CHD3: variants seen among roughly 807,000 people sequenced by gnomAD.
The protein encoded by CHD3 is ATP-dependent chromatin remodeler CHD3.
In CHD3, 52 loss-of-function variants were observed where a neutral mutation model predicts 248.9. That is an observed-to-expected ratio of 0.21 (90% confidence interval 0.17 to 0.26). The LOEUF (loss-of-function observed/expected upper bound fraction) is 0.26. CHD3 is among the 10% of genes least tolerant of loss of function. CHD3 has a pLI of 1.00. For missense variants in CHD3, 1,482 were observed against 2,605.8 expected (o/e 0.57, Z 9.39); for synonymous variants, 985 against 985.2 (o/e 1.00, Z 0.00).
Position 7,909,289 on chromosome 17 carries a change from C to T in CHD3, c.5541C>T (p.Ser1847=). The change falls in exon 37 of 40, where the codon TCC becomes TCT. Residue 1847 remains serine, a synonymous_variant. Transcript: ENST00000330494. This position sits in a 1 kb window ranked among gnomAD's most constrained non-coding sequence, Gnocchi z 8.1. ...ECLAESHQHL[S]KESLAGNKPA... ...TGGCCGAGAGCCACCAGCACCTCTC[C>T]AAGGAGTCGCTGGCGGGGAACAAGC... 1.3e-6 allele frequency: 2 copies of T among 1,562,410 alleles called. No homozygotes were observed. The highest frequency in any genetic ancestry group is 1.7e-6 in the Non-Finnish European group (2 of 1,155,192).
rs2151554885 is a variant in CHD3 at position 7,898,510 on chromosome 17, G to A, written c.2066G>A (p.Gly689Glu). Residue 689 changes from glycine to glutamate, a missense_variant, in exon 13 of 40, where the codon GGG (glycine) becomes GAG (glutamate). Gly to Glu is a moderately conservative substitution (Grantham distance 98). This residue lies in a region of CHD3 where 127 missense variants were observed against 188.3 expected (regional missense o/e 0.67). Coordinates refer to ENST00000330494, the MANE Select transcript of CHD3 (RefSeq NM_001005273.3). Reference sequence around the variant, plus strand: ...TCTTTTTCCAGAGAACTAATTATGGGGGAAGACCCTGCCCAGCCCCGCAAG... The same window carrying A: ...TCTTTTTCCAGAGAACTAATTATGGAGGAAGACCCTGCCCAGCCCCGCAAG... ...SYWRHRELIM[G>E]EDPAQPRKYK... 1 of 1,613,880 alleles carries A rather than the reference G, an allele frequency of 6.2e-7. No homozygotes were observed.
chr17:7,909,237 A>T lies in CHD3; in HGVS notation c.5489A>T (p.His1830Leu), dbSNP rs1418898769. 3 of 1,552,088 alleles carry T rather than the reference A, an allele frequency of 1.9e-6. No individual in the cohort carries two copies. Among genetic ancestry groups the T allele is most frequent in the Non-Finnish European group, 2.6e-6 (3 of 1,148,840 alleles). The change falls in exon 37 of 40, where the codon CAC (histidine) becomes CTC (leucine). Residue 1830 changes from histidine (H) to leucine (L), a missense_variant. Transcript: ENST00000330494. The surrounding 1 kb of genome is among the most constrained non-coding windows in gnomAD (Gnocchi z 8.1). ...CCGGCGCACCCCGCCATGGCCCTCC[A>T]CGCCCGCTTCGCCGAGGCCGAGTGC... Reference protein sequence around the residue: ...QEPAHPAMALHARFAEAECLA... With the variant: ...QEPAHPAMALLARFAEAECLA...
In CHD3 at chr17:7,904,744, G is replaced by T; in HGVS notation, c.4072+125G>T. 4 of 946,128 alleles carry T rather than the reference G, an allele frequency of 4.2e-6. No homozygotes were observed. Among genetic ancestry groups the T allele is most frequent in the Non-Finnish European group, 6.2e-6 (4 of 641,838 alleles). The allele number at this position is 946,128 out of a possible 1,614,324, so 58.6% of individuals were successfully genotyped here. A position where few individuals can be genotyped will look rare whatever the true frequency, so the allele number is the denominator to read the frequency against. On this transcript the variant is annotated intron_variant, in intron 25 of 39. Transcript: ENST00000330494. The surrounding 1 kb of genome is among the most constrained non-coding windows in gnomAD (Gnocchi z 4.4). ...GTCAGAGCCTTCCTCTGCTAAAAGG[G>T]AAAGACATAAGGTAGAGTCATTAGG...
rs1313676570 is a variant in CHD3 at position 7,907,107 on chromosome 17, A to T, written c.4667-19A>T. The T allele has an allele frequency of 6.2e-7, 1 of 1,614,156 alleles. No homozygotes were observed. Among genetic ancestry groups the T allele is most frequent in the Non-Finnish European group, 8.5e-7 (1 of 1,180,014 alleles). ...GGGCGGGAGAATCTCTGTCTTTATC[A>T]CTGTGCCTTCCCCTGCAGCTACTCC... On this transcript the variant is annotated intron_variant, in intron 30 of 39. Coordinates refer to ENST00000330494, the MANE Select transcript of CHD3 (RefSeq NM_001005273.3). The surrounding 1 kb of genome is among the most constrained non-coding windows in gnomAD (Gnocchi z 4.3).
chr17:7,898,504 T>C lies in CHD3; in HGVS notation c.2060T>C (p.Ile687Thr). ...ACCCACTCTTTTTCCAGAGAACTAA[T>C]TATGGGGGAAGACCCTGCCCAGCCC... ...KQSYWRHREL[I>T]MGEDPAQPRK... Residue 687 changes from isoleucine (I) to threonine (T), a missense_variant, in exon 13 of 40, where the codon ATT becomes ACT. Physicochemically the swap from Ile to Thr is moderately conservative, Grantham distance 89 (BLOSUM62 -1). Transcript: ENST00000330494. The C allele has an allele frequency of 6.2e-7, 1 of 1,613,398 alleles. No individual in the cohort carries two copies. The highest frequency in any genetic ancestry group is 8.5e-7 in the Non-Finnish European group (1 of 1,179,560).
chr17:7,910,203 GTCTC>G lies in CHD3; in HGVS notation c.5591-221_5591-218del, dbSNP rs532929504. 170 of 592,938 alleles carry G rather than the reference GTCTC, an allele frequency of 2.9e-4. No homozygotes were observed. The East Asian group carries it at 3.1e-3, about 11-fold the overall frequency. 36.7% of individuals were successfully genotyped at this position (592,938 alleles called of 1,614,324 possible). On this transcript the variant is annotated intron_variant, in intron 37 of 39. Transcript: ENST00000330494. The surrounding 1 kb of genome is among the most constrained non-coding windows in gnomAD (Gnocchi z 4.7). ...TCCATCTGTCTTCTGTGGTAATCTG[GTCTC>G]TCTGTCTCTTTTCCTGACACTTTTT...
In CHD3 at chr17:7,903,733, G is replaced by C. The variant is rs1218673947; in HGVS notation, c.3728-92G>C. The stretch of plus-strand genomic sequence containing the variant: ...TCCCGGGGAAAAAGCCTTCTCTAGG[G>C]CTCCTGTGAAAAGGACGCAGAGTAG... On this transcript the variant is annotated intron_variant, in intron 23 of 39. Transcript: ENST00000330494. This position sits in a 1 kb window ranked among gnomAD's most constrained non-coding sequence, Gnocchi z 6.8. 7.2e-7 allele frequency: 1 copy of C among 1,384,458 alleles called. No individual in the cohort carries two copies. Among genetic ancestry groups the C allele is most frequent in the Non-Finnish European group, 9.9e-7 (1 of 1,008,856 alleles). The allele number at this position is 1,384,458 out of a possible 1,614,324, so 85.8% of individuals were successfully genotyped here. A position where few individuals can be genotyped will look rare whatever the true frequency, so the allele number is the denominator to read the frequency against.
rs960824021 is a variant in CHD3, at chr17:7,899,708, G to C, written c.2544+165G>C. 7.9e-5 allele frequency among the ~76,000 whole-genome samples: 12 copies of C among 152,038 alleles called. No homozygotes were observed. The highest frequency in any genetic ancestry group is 2.9e-4 in the African/African-American group (12 of 41,398). On this transcript the variant is annotated intron_variant, in intron 15 of 39. Transcript: ENST00000330494. This position sits in a 1 kb window ranked among gnomAD's most constrained non-coding sequence, Gnocchi z 6.8. ...TAGAGATATGGCAGGTACTCCCAGG[G>C]GCATACATGGATCTGTCGGTACTGG...
In CHD3 at chr17:7,910,211, G is replaced by C. The variant is rs1213458088; in HGVS notation, c.5591-217G>C. On this transcript the variant is annotated intron_variant, in intron 37 of 39. Transcript: ENST00000330494. This position sits in a 1 kb window ranked among gnomAD's most constrained non-coding sequence, Gnocchi z 4.7. ...TCTTCTGTGGTAATCTGGTCTCTCT[G>C]TCTCTTTTCCTGACACTTTTTCTTT... 5 of 607,330 alleles carry C rather than the reference G, an allele frequency of 8.2e-6. No homozygotes were observed. The highest frequency in any genetic ancestry group is 3.0e-5 in the Admixed American group (1 of 33,876). The allele number at this position is 607,330 out of a possible 1,614,324, so 37.6% of individuals were successfully genotyped here.
rs1205136364 is a variant in CHD3 at position 7,897,829 on chromosome 17, C to T, written c.1920-142C>T. Reference sequence around the variant, plus strand: ...AGGCTGCTAGGTCAACTATTCCAATCTCCCTTCCAGCAGCTCACTGTTGAC... The same window carrying T: ...AGGCTGCTAGGTCAACTATTCCAATTTCCCTTCCAGCAGCTCACTGTTGAC... On this transcript the variant is annotated intron_variant, in intron 11 of 39. Coordinates refer to ENST00000330494, the MANE Select transcript of CHD3 (RefSeq NM_001005273.3). The surrounding 1 kb of genome is among the most constrained non-coding windows in gnomAD (Gnocchi z 4.8). The T allele has an allele frequency of 3.5e-6, 3 of 863,012 alleles. No homozygotes were observed. Among genetic ancestry groups the T allele is most frequent in the Non-Finnish European group, 1.8e-6 (1 of 557,414 alleles). The allele number at this position is 863,012 out of a possible 1,614,324, so 53.5% of individuals were successfully genotyped here.
In CHD3 at chr17:7,903,190, C is replaced by T; in HGVS notation, c.3496-82C>T. 1 of 1,575,420 alleles carries T rather than the reference C, an allele frequency of 6.3e-7. No homozygotes were observed. Among genetic ancestry groups the T allele is most frequent in the South Asian group, 1.1e-5 (1 of 88,834 alleles). On this transcript the variant is annotated intron_variant, in intron 22 of 39. Transcript: ENST00000330494. This position sits in a 1 kb window ranked among gnomAD's most constrained non-coding sequence, Gnocchi z 6.8. The stretch of plus-strand genomic sequence containing the variant: ...GGAGAGAAGGCCCTTCTTCAGCAGC[C>T]TTCTTTCCTGAGGCAGCTCTATGGG...
At position 7,903,742 on chromosome 17, in the gene CHD3, A is replaced by T. The variant is rs114643514; in HGVS notation, c.3728-83A>T. On this transcript the variant is annotated intron_variant, in intron 23 of 39. Transcript: ENST00000330494. This position sits in a 1 kb window ranked among gnomAD's most constrained non-coding sequence, Gnocchi z 6.8. ...AAAAGCCTTCTCTAGGGCTCCTGTG[A>T]AAAGGACGCAGAGTAGAAGCTTTCC... 1,347 of 1,461,384 alleles carry T rather than the reference A, an allele frequency of 9.2e-4. 14 individuals are homozygous for T. The African/African-American group carries it at 0.013, about 14-fold the overall frequency. 90.5% of individuals were successfully genotyped at this position (1,461,384 alleles called of 1,614,324 possible).
In CHD3 at chr17:7,890,599, G is replaced by C. The variant is rs1023066121; in HGVS notation, c.242G>C (p.Arg81Pro). ...AGTGAGGAGGAATTTGGTTCTGAGC[G>C]AGATGAGTACCGGGAGAAGTCAGAG... is the stretch of plus-strand genomic sequence containing the variant. Reference protein sequence around the residue: ...RDSEEEFGSERDEYREKSESG... With the variant: ...RDSEEEFGSEPDEYREKSESG... The change falls in exon 3 of 40, where the codon CGA becomes CCA. Residue 81 changes from arginine to proline, a missense_variant. Around this residue, in one of 20 missense-constraint regions of CHD3, gnomAD observed 169 missense variants for 168.1 expected, o/e 1.01. Transcript: ENST00000330494. The C allele has an allele frequency of 4.4e-6, 7 of 1,596,186 alleles. No homozygotes were observed. Among genetic ancestry groups the C allele is most frequent in the East Asian group, 2.2e-5 (1 of 44,804 alleles).
In CHD3 at chr17:7,898,022, A is replaced by C. The variant is rs145734007; in HGVS notation, c.1971A>C (p.Pro657=). ...ATCTAGTAAAATGGAGGGACTTACCATATGACCAGTCCACGTGGGAGGAAG... is the reference window on the plus strand; with the variant it reads ...ATCTAGTAAAATGGAGGGACTTACCCTATGACCAGTCCACGTGGGAGGAAG... ...YHYLVKWRDL[P]YDQSTWEEDE... is the part of the protein sequence containing the mutation. The change falls in exon 12 of 40, where the codon CCA becomes CCC. Residue 657 remains proline, a synonymous_variant. Coordinates refer to ENST00000330494, the MANE Select transcript of CHD3 (RefSeq NM_001005273.3). 1.2e-6 allele frequency: 2 copies of C among 1,614,094 alleles called. No homozygotes were observed. Among genetic ancestry groups the C allele is most frequent in the Non-Finnish European group, 1.7e-6 (2 of 1,180,024 alleles).
intron 21 of CHD3, 81 bp from the exon 22 acceptor site, chr17:7,902,852 GTTGT>G: frequency 1.3e-6 from 2 of 1,587,482 alleles, no homozygotes; most frequent in Non-Finnish European, 1.7e-6. Flanking sequence ...TGGGGGCATG[GTTGT>G]TTGTCATCAG....
Position 7,911,116 on chromosome 17 carries a change from C to T in CHD3, c.5881+143C>T. The stretch of plus-strand genomic sequence containing the variant: ...TTTTATGGGATAGAGTTGTTCTAGG[C>T]TGTCCCCCCACCCATCCCTTTCTTA... On this transcript the variant is annotated intron_variant, in intron 39 of 39. Coordinates refer to ENST00000330494, the MANE Select transcript of CHD3 (RefSeq NM_001005273.3). The surrounding 1 kb of genome is among the most constrained non-coding windows in gnomAD (Gnocchi z 5.4). The T allele has an allele frequency of 8.3e-7, 1 of 1,207,672 alleles. No individual in the cohort carries two copies. The allele number at this position is 1,207,672 out of a possible 1,614,324, so 74.8% of individuals were successfully genotyped here.
rs767286465 is a variant in CHD3 at position 7,899,878 on chromosome 17, CAAT to C, written c.2545-14_2545-12del. 12 of 1,608,924 alleles carry C rather than the reference CAAT, an allele frequency of 7.5e-6. No individual in the cohort carries two copies. The highest frequency in any genetic ancestry group is 6.8e-6 in the Non-Finnish European group (8 of 1,177,002). Reference sequence around the variant, plus strand: ...GGTTGTCAGGTGGCAGCTGAATGGGCAATAATTATGTTGGCAGAGGGAGGCACA... The same window carrying C: ...GGTTGTCAGGTGGCAGCTGAATGGGCAATTATGTTGGCAGAGGGAGGCACA... On this transcript the variant is annotated splice_polypyrimidine_tract_variant and intron_variant, in intron 15 of 39. Coordinates refer to ENST00000330494, the MANE Select transcript of CHD3 (RefSeq NM_001005273.3). This position sits in a 1 kb window ranked among gnomAD's most constrained non-coding sequence, Gnocchi z 6.8.
chr17:7,899,969 G>C lies in CHD3; in HGVS notation c.2618G>C (p.Gly873Ala). Residue 873 changes from glycine (G) to alanine (A), a missense_variant, in exon 16 of 40, where the codon GGT becomes GCT. Transcript: ENST00000330494. The surrounding 1 kb of genome is among the most constrained non-coding windows in gnomAD (Gnocchi z 6.8). ...ELITIDQAAL[G>A]SIRWACLVVD... The stretch of plus-strand genomic sequence containing the variant: ...ATCACCATTGATCAGGCAGCACTTG[G>C]TTCCATCCGCTGGGCCTGTCTTGTG... The C allele has an allele frequency of 3.1e-6, 5 of 1,614,132 alleles. No individual in the cohort carries two copies. Among genetic ancestry groups the C allele is most frequent in the Non-Finnish European group, 4.2e-6 (5 of 1,180,034 alleles).
At chr17:7,885,872 G>A (rs1443968287), upstream of CHD3, among the ~76,000 whole-genome samples, 2 of 152,234 alleles carry the variant, frequency 1.3e-5, no homozygotes, top group Admixed American at 1.3e-4. Flanking sequence ...GCAGGAGCTC[G>A]TCCCCTCGCT....
Sources: gnomAD v4.1 joint callset for allele counts (sites outside exome capture counted in the v4.1 genomes callset) on GRCh38, gnomAD v4.1.1 for gene constraint, gnomAD v4.1.1 regional missense constraint, Gnocchi (gnomAD v3.1) non-coding constraint, MANE v1.5 for transcripts, NCBI Gene and HGNC (gene_info 2026-07-23, HGNC 2026-07-21) for gene names.